The following ITPRID1 variants were observed in gnomAD, a reference collection of about 807,000 sequenced individuals.
ITPRID1 encodes the protein ITPR interacting domain containing 1.
In ITPRID1, 96 loss-of-function variants were observed where a neutral mutation model predicts 95.4. That is an observed-to-expected ratio of 1.01 (90% confidence interval 0.85 to 1.19). The LOEUF is 1.19. Ranked by LOEUF, ITPRID1 falls within the 50% of genes most tolerant of loss-of-function variation. ITPRID1 has a pLI of 0.00. For synonymous variants in ITPRID1, 510 were observed against 453.6 expected (o/e 1.12, Z -1.58); for missense variants, 1,339 against 1,252.9 (o/e 1.07, Z -1.04).
At chr7:31,592,504 T>G (rs2128155173) in intron 10 of ITPRID1, among the ~76,000 whole-genome samples, 1 of 152,342 alleles carries the variant, frequency 6.6e-6, no homozygotes, top group South Asian at 2.1e-4. Context: ...CCAACCTTTT[T>G]GGCACCAGGG....
intron 10 of ITPRID1, among the ~76,000 whole-genome samples, chr7:31,624,185 G>A (rs1788209292): frequency 2.7e-5 from 4 of 147,506 alleles, no homozygotes; most frequent in African/African-American, 1.0e-4. Context: ...TCGTGAAAAT[G>A]GCCATACTGC....
At chr7:31,629,203 C>A (rs1266933507) in intron 10 of ITPRID1, among the ~76,000 whole-genome samples, 2 of 152,140 alleles carry the variant, frequency 1.3e-5, no homozygotes, top group South Asian at 4.2e-4. Flanking sequence ...TATTCAAAAT[C>A]GGATCTGCCC....
intron 1 of ITPRID1, among the ~76,000 whole-genome samples, chr7:31,548,952 T>C (rs1316293683): frequency 6.6e-6 from 1 of 151,890 alleles, no homozygotes; most frequent in Non-Finnish European, 1.5e-5. Flanking sequence ...CCATATGAAG[T>C]AGGGAGGGGA....
rs1159639968 is a variant in ITPRID1 at position 31,651,168 on chromosome 7, G to A, written c.2610G>A (p.Met870Ile). The change falls in exon 13 of 15, where the codon ATG becomes ATA. Residue 870 changes from methionine (M) to isoleucine (I), a missense_variant. Physicochemically the swap from Met to Ile is conservative, Grantham distance 10. Transcript: ENST00000615280. Reference protein sequence around the residue: ...CSCTVHEMEAMKTICQSFREY... With the variant: ...CSCTVHEMEAIKTICQSFREY... ...GCACAGTCCATGAGATGGAAGCCAT[G>A]AAGACGATATGCCAAAGTTTCCGGG... 2 of 1,613,508 alleles carry A rather than the reference G, an allele frequency of 1.2e-6. No homozygotes were observed. The highest frequency in any genetic ancestry group is 1.7e-6 in the Non-Finnish European group (2 of 1,179,548).
chr7:31,541,718 A>G lies in ITPRID1; in HGVS notation c.-97-7708A>G, dbSNP rs1271752101. 2.0e-5 allele frequency among the ~76,000 whole-genome samples: 3 copies of G among 152,154 alleles called. No homozygotes were observed. The East Asian group carries it at 5.8e-4, about 29-fold the overall frequency. On this transcript the variant is annotated intron_variant, in intron 1 of 14. Transcript: ENST00000615280. ...ATATAACAAGCCAAATTTTACCTTT[A>G]TATTAGTGTGCTGTTAATGTTAAAC...
At chr7:31,599,639 TTCTTTCTTTTTCTTTCTTTCCTTTCTCTC>T (rs1786280978) in intron 10 of ITPRID1, among the ~76,000 whole-genome samples, 1 of 48,594 alleles carries the variant, frequency 2.1e-5, no homozygotes, top group African/African-American at 6.3e-5. Context: ...CTTTCTTTCT[TTCTTTCTTTTTCTTTCTTTCCTTTCTCTC>T]TCTCTCTCTC....
intron 1 of ITPRID1, among the ~76,000 whole-genome samples, chr7:31,516,762 A>ATG (rs1376521296): frequency 1.3e-5 from 2 of 152,224 alleles, no homozygotes; most frequent in Non-Finnish European, 2.9e-5. Flanking sequence ...CTGTGACAAG[A>ATG]TGTGACTGGT....
rs139383333 is a variant in ITPRID1, at chr7:31,654,484, G to A, written c.*1655G>A. Among the ~76,000 whole-genome samples the A allele has an allele frequency of 1.4e-4, 22 of 152,282 alleles. No individual in the cohort carries two copies. The highest frequency in any genetic ancestry group is 7.7e-4 in the East Asian group (4 of 5,178). The stretch of plus-strand genomic sequence containing the variant: ...AGGGTCGTCATATAATCTGATTTAC[G>A]TTTTGAAGTCATGCTGGCTGCTTTA... On this transcript the variant is annotated 3_prime_UTR_variant, in exon 15 of 15. Transcript: ENST00000615280.
chr7:31,544,601 C>G (rs1784037944), intron 1 of ITPRID1, among the ~76,000 whole-genome samples: 1 of 152,076 alleles, frequency 6.6e-6, no homozygotes, highest in African/African-American at 2.4e-5. Flanking sequence ...TATTTGAGAA[C>G]AATTCTTTGT....
chr7:31,576,103 T>C (rs1049573049), intron 8 of ITPRID1, among the ~76,000 whole-genome samples: 4 of 152,192 alleles, frequency 2.6e-5, no homozygotes, highest in Admixed American at 6.5e-5. Flanking sequence ...ACAAATGAAA[T>C]TGACATATGG....
Position 31,643,579 on chromosome 7 carries a change from T to G in ITPRID1, c.2209T>G (p.Cys737Gly), listed in dbSNP as rs1308723140. The stretch of plus-strand genomic sequence containing the variant: ...TGGTCCCAGAGGAACATCTTTAGAA[T>G]GCACTGTGTGTGATCCTGTTACCGC... ...GTGPRGTSLE[C>G]TVCDPVTATE... Residue 737 changes from cysteine (C) to glycine (G), a missense_variant, in exon 12 of 15, where the codon TGC becomes GGC. By Grantham distance (159) the Cys-to-Gly change is radical. Transcript: ENST00000615280. The G allele has an allele frequency of 1.2e-6, 2 of 1,614,026 alleles. No homozygotes were observed. The highest frequency in any genetic ancestry group is 1.7e-6 in the Non-Finnish European group (2 of 1,179,902).
In ITPRID1 at chr7:31,643,247, G is replaced by A; in HGVS notation, c.1877G>A (p.Cys626Tyr). 1.2e-6 allele frequency: 2 copies of A among 1,613,792 alleles called. No individual in the cohort carries two copies. The highest frequency in any genetic ancestry group is 1.7e-6 in the Non-Finnish European group (2 of 1,179,886). Reference protein sequence around the residue: ...APREEESSGFCPHTNHSLLVP... With the variant: ...APREEESSGFYPHTNHSLLVP... ...CGAGAAGAGGAAAGCAGTGGATTCT[G>A]TCCTCACACCAACCACAGCTTACTC... The change falls in exon 12 of 15, where the codon TGT becomes TAT. Residue 626 changes from cysteine (C) to tyrosine (Y), a missense_variant. Cys to Tyr is a radical substitution (Grantham distance 194). Transcript: ENST00000615280.
At position 31,537,755 on chromosome 7, in the gene ITPRID1, T is replaced by G. The variant is rs1783806515; in HGVS notation, c.-97-11671T>G. Among the ~76,000 whole-genome samples the G allele has an allele frequency of 2.0e-5, 3 of 152,258 alleles. No homozygotes were observed. The South Asian group carries it at 6.2e-4, about 32-fold the overall frequency. ...AAAAAACATTCAGACAAATCTGAATTCACAAAATAAGAATGCAAGTCACCT... is the reference window on the plus strand; with the variant it reads ...AAAAAACATTCAGACAAATCTGAATGCACAAAATAAGAATGCAAGTCACCT... On this transcript the variant is annotated intron_variant, in intron 1 of 14. Coordinates refer to ENST00000615280, the MANE Select transcript of ITPRID1 (RefSeq NM_001257967.3).
chr7:31,575,969 C>G (rs973548128), intron 8 of ITPRID1, among the ~76,000 whole-genome samples: 5 of 151,896 alleles, frequency 3.3e-5, no homozygotes, highest in Non-Finnish European at 7.4e-5. Flanking sequence ...CATGTTGTTC[C>G]TTGTTATCTC....
intron 13 of ITPRID1, 38 bp downstream of exon 13, chr7:31,651,307 C>T (rs779076563): frequency 1.2e-6 from 2 of 1,603,510 alleles, no homozygotes; most frequent in South Asian, 1.1e-5. Flanking sequence ...AAGTACCAGC[C>T]CACACACCTG....
At chr7:31,658,270 G>A (rs980862606), downstream of ITPRID1, 10 of 1,502,528 alleles carry the variant, frequency 6.7e-6, no homozygotes, top group Non-Finnish European at 8.8e-6. Flanking sequence ...TTCTCTTATA[G>A]GTGAATTATT....
rs532516485 is a variant in ITPRID1, at chr7:31,647,468, C to T, written c.2583+3515C>T. Among the ~76,000 whole-genome samples, 154 of 150,356 alleles carry T rather than the reference C, an allele frequency of 1.0e-3. 1 individual carries two copies. The highest frequency in any genetic ancestry group is 2.3e-3 in the South Asian group (11 of 4,738). On this transcript the variant is annotated intron_variant, in intron 12 of 14. Transcript: ENST00000615280. The stretch of plus-strand genomic sequence containing the variant: ...CCTGAGGTTAGGGCTTCGAGAACAG[C>T]CTGGCCAACATGGCAAAACCCCGTC...
downstream of ITPRID1, chr7:31,658,291 C>G: frequency 2.7e-6 from 4 of 1,502,496 alleles, no homozygotes; most frequent in Non-Finnish European, 2.6e-6. Flanking sequence ...GTCTGCAGAG[C>G]TGGATCCCTT....
intron 2 of ITPRID1, among the ~76,000 whole-genome samples, chr7:31,551,382 G>T (rs1383072649): frequency 1.4e-5 from 2 of 143,616 alleles, no homozygotes; most frequent in Non-Finnish European, 3.1e-5. Flanking sequence ...ATTCTCCAAA[G>T]GTTAGGAACA....
Sources: allele counts gnomAD v4.1 joint callset (sites outside exome capture counted in the v4.1 genomes callset), GRCh38; gene constraint gnomAD v4.1.1; transcripts MANE v1.5; gene names NCBI Gene and HGNC (gene_info 2026-07-23, HGNC 2026-07-21).